Variants in PAWR observed in about 807,000 individuals in gnomAD.
PAWR encodes PRKC apoptosis WT1 regulator protein.
A neutral mutation model predicts 32.0 loss-of-function variants in PAWR; 23 were observed. That is an observed-to-expected ratio of 0.72 (90% CI 0.52 to 1.02). PAWR has a LOEUF of 1.02. Ranked by LOEUF, PAWR falls within the 50% of genes least tolerant of loss-of-function variation. The pLI is 0.00. For missense variants in PAWR, 457 were observed against 437.7 expected, an observed-to-expected ratio of 1.04 and a Z score of -0.39; for synonymous variants, 226 against 187.1, an observed-to-expected ratio of 1.21 and a Z score of -1.70.
At chr12:79,600,793 T>C (rs1408617403) in intron 4 of PAWR, among the ~76,000 whole-genome samples, 1 of 151,964 alleles carries the variant, frequency 6.6e-6, no homozygotes, top group Non-Finnish European at 1.5e-5. Flanking sequence ...TTCTTACACA[T>C]TTTTGGGTTA....
rs1873395368 is a variant in PAWR, at chr12:79,586,732, C to T, written c.*5875G>A. On this transcript the variant is annotated 3_prime_UTR_variant, in exon 7 of 7. Transcript: ENST00000328827. Reference sequence around the variant, plus strand: ...GTTCAACTATTTGACACAAAAGGAGCTTTTTCCTTTCTTTAAAAGGATTTT... The same window carrying T: ...GTTCAACTATTTGACACAAAAGGAGTTTTTTCCTTTCTTTAAAAGGATTTT... The T allele has an allele frequency of 6.6e-6, 1 of 152,108 alleles. No individual in the cohort carries two copies. Among genetic ancestry groups the T allele is most frequent in the Non-Finnish European group, 1.5e-5 (1 of 67,984 alleles). 9.4% of individuals were successfully genotyped at this position (152,108 alleles called of 1,614,324 possible). A position where few individuals can be genotyped will look rare whatever the true frequency, so the allele number is the denominator to read the frequency against.
At position 79,690,195 on chromosome 12, in the gene PAWR, G is replaced by C. The variant is rs1878937704; in HGVS notation, c.50C>G (p.Thr17Arg). The change falls in exon 2 of 7, where the codon ACA (threonine) becomes AGA (arginine). Residue 17 changes from threonine (T) to arginine (R), a missense_variant. By Grantham distance (71) the Thr-to-Arg change is moderately conservative. Transcript: ENST00000328827. ...CGCCTTCCACTCCTCCAGGAAGTCT[G>C]TGGTGCTGCCGCCGAGGCCGCTGCT... ...RTSSGLGGST[T>R]DFLEEWKAKR... 6.5e-7 allele frequency: 1 copy of C among 1,532,768 alleles called. No homozygotes were observed. The highest frequency in any genetic ancestry group is 1.9e-5 in the Admixed American group (1 of 51,490). 94.9% of individuals were successfully genotyped at this position (1,532,768 alleles called of 1,614,324 possible).
At chr12:79,660,864 G>A (rs1036239275) in intron 2 of PAWR, among the ~76,000 whole-genome samples, 4 of 151,736 alleles carry the variant, frequency 2.6e-5, no homozygotes, top group African/African-American at 4.8e-5. Context: ...GATTACAGGC[G>A]AGAGCCATTG....
chr12:79,626,513 C>T (rs1313333542), intron 2 of PAWR, among the ~76,000 whole-genome samples: 1 of 151,612 alleles, frequency 6.6e-6, no homozygotes, highest in Non-Finnish European at 1.5e-5. Context: ...CCCCCCACGG[C>T]CTCCCAAAGT....
Position 79,584,919 on chromosome 12 carries a change from TAA to T in PAWR, c.*7686_*7687del, listed in dbSNP as rs147662553. The T allele has an allele frequency of 5.6e-3, 1,044 of 186,450 alleles. 11 individuals are homozygous for T. The highest frequency in any genetic ancestry group is 0.02 in the African/African-American group (827 of 42,016). 11.5% of individuals were successfully genotyped at this position (186,450 alleles called of 1,614,324 possible). On this transcript the variant is annotated 3_prime_UTR_variant, in exon 7 of 7. Transcript: ENST00000328827. ...ACATTTATTTTTTCCAATCAAGTCT[TAA>T]AAGTTTGATGAAAGCGCATTATTGT...
chr12:79,690,109 T>TG lies in PAWR; in HGVS notation c.135dup (p.Ser46GlnfsTer81). ...GGGGGCTTCCCAGCGGCGTCGCTGC[T>TG]GCCCCCTCCCGGGGGGGCCGGGCCC... On this transcript the variant is annotated frameshift_variant, in exon 2 of 7. Coordinates refer to ENST00000328827, the MANE Select transcript of PAWR (RefSeq NM_002583.4). LOFTEE classifies it high-confidence loss of function. The TG allele has an allele frequency of 6.7e-7, 1 of 1,493,508 alleles. No homozygotes were observed. The highest frequency in any genetic ancestry group is 8.9e-7 in the Non-Finnish European group (1 of 1,125,762). 92.5% of individuals were successfully genotyped at this position (1,493,508 alleles called of 1,614,324 possible).
chr12:79,657,597 T>C (rs1197342646), intron 2 of PAWR, among the ~76,000 whole-genome samples: 1 of 151,850 alleles, frequency 6.6e-6, no homozygotes, highest in Non-Finnish European at 1.5e-5. Flanking sequence ...CGAGACCATC[T>C]TGGCTAACAC....
intron 2 of PAWR, among the ~76,000 whole-genome samples, chr12:79,648,096 T>TC (rs1876665147): frequency 6.6e-6 from 1 of 152,166 alleles, no homozygotes; most frequent in Non-Finnish European, 1.5e-5. Flanking sequence ...GCGGCTCACC[T>TC]CCTGCTGTGT....
intron 2 of PAWR, among the ~76,000 whole-genome samples, chr12:79,632,350 TATA>T (rs1566011127): frequency 5.0e-5 from 3 of 59,764 alleles, no homozygotes; most frequent in African/African-American, 4.6e-4. Context: ...TATATATATA[TATA>T]TATATATATT....
intron 2 of PAWR, among the ~76,000 whole-genome samples, chr12:79,676,754 C>T (rs7959305): frequency 0.012 from 1,821 of 151,774 alleles, 27 homozygotes; most frequent in Non-Finnish European, 0.018. Context: ...CATAAGCCCT[C>T]TACCCCAATC....
chr12:79,632,217 A>C (rs2136746363), intron 2 of PAWR: 1 of 143,462 alleles, frequency 7.0e-6, no homozygotes, highest in African/African-American at 2.6e-5. Flanking sequence ...TTATAAAGTG[A>C]GAGTAATCAA....
intron 2 of PAWR, among the ~76,000 whole-genome samples, chr12:79,639,881 T>TATTCCTATTCCCATTCCCATTCCCATTCC: frequency 8.9e-6 from 1 of 112,502 alleles, no homozygotes; most frequent in African/African-American, 5.1e-5. Flanking sequence ...TTCCTATTCC[T>TATTCCTATTCCCATTCCCATTCCCATTCC]ATTCCATTCC....
At position 79,589,796 on chromosome 12, in the gene PAWR, T is replaced by C. The variant is rs1873494343; in HGVS notation, c.*2811A>G. 1 of 152,190 alleles carries C rather than the reference T, an allele frequency of 6.6e-6. No homozygotes were observed. The highest frequency in any genetic ancestry group is 2.1e-4 in the South Asian group (1 of 4,824). 9.4% of individuals were successfully genotyped at this position (152,190 alleles called of 1,614,324 possible). On this transcript the variant is annotated 3_prime_UTR_variant, in exon 7 of 7. Transcript: ENST00000328827. ...ATGAGCTCATAAATACATTAGAACTTTGAATGTGCTTTATTATGCCACAAA... is the reference window on the plus strand; with the variant it reads ...ATGAGCTCATAAATACATTAGAACTCTGAATGTGCTTTATTATGCCACAAA...
At chr12:79,667,106 G>A (rs1877645711) in intron 2 of PAWR, among the ~76,000 whole-genome samples, 1 of 152,254 alleles carries the variant, frequency 6.6e-6, no homozygotes, top group African/African-American at 2.4e-5. Flanking sequence ...ACTGTGCCCC[G>A]ACCACCTTGG....
rs183403477 is a variant in PAWR, at chr12:79,640,642, G to A, written c.517-19435C>T. Among the ~76,000 whole-genome samples, 57 of 152,250 alleles carry A rather than the reference G, an allele frequency of 3.7e-4. 2 individuals carry two copies. The South Asian group carries it at 8.3e-3, about 22-fold the overall frequency. Reference sequence around the variant, plus strand: ...TGTAGTCCCAGCCACTTGGGAGGCTGAGGTAGGAGGATCACTTGGGCCCTG... The same window carrying A: ...TGTAGTCCCAGCCACTTGGGAGGCTAAGGTAGGAGGATCACTTGGGCCCTG... On this transcript the variant is annotated intron_variant, in intron 2 of 6. Transcript: ENST00000328827.
chr12:79,633,103 CAA>C (rs1443684550), intron 2 of PAWR, among the ~76,000 whole-genome samples: 1 of 151,786 alleles, frequency 6.6e-6, no homozygotes, highest in African/African-American at 2.4e-5. Flanking sequence ...CCAGCCTAGG[CAA>C]AAGAGAGAGA....
intron 3 of PAWR, among the ~76,000 whole-genome samples, chr12:79,616,286 T>C (rs1329713827): frequency 6.6e-6 from 1 of 152,128 alleles, no homozygotes; most frequent in African/African-American, 2.4e-5. Flanking sequence ...ATTTTGGTTA[T>C]ATTTGAAATA....
intron 2 of PAWR, among the ~76,000 whole-genome samples, chr12:79,644,806 G>T (rs192652073): frequency 8.7e-4 from 133 of 152,150 alleles, no homozygotes; most frequent in Admixed American, 2.6e-3. Context: ...CTAACCCTAA[G>T]ATAGTTTCCA....
In PAWR at chr12:79,690,401, A is replaced by C; in HGVS notation, c.-147-10T>G. 1 of 1,324,898 alleles carries C rather than the reference A, an allele frequency of 7.5e-7. No homozygotes were observed. The allele number at this position is 1,324,898 out of a possible 1,614,324, so 82.1% of individuals were successfully genotyped here. A position where few individuals can be genotyped will look rare whatever the true frequency, so the allele number is the denominator to read the frequency against. ...ACAGCAGCCGGCGGGGCTGAGGTGA[A>C]AGACAAAAGGGGGCGGGTAAGGGAA... On this transcript the variant is annotated splice_polypyrimidine_tract_variant and intron_variant, in intron 1 of 6. Coordinates refer to ENST00000328827, the MANE Select transcript of PAWR (RefSeq NM_002583.4).
Sources: gnomAD v4.1 joint callset for allele counts (sites outside exome capture counted in the v4.1 genomes callset) on GRCh38, gnomAD v4.1.1 for gene constraint, MANE v1.5 for transcripts, NCBI Gene and HGNC (gene_info 2026-07-23, HGNC 2026-07-21) for gene names.